KIF13B: variants seen among roughly 807,000 people sequenced by gnomAD.
KIF13B encodes kinesin family member 13B.
In KIF13B, 127 loss-of-function variants were observed where a neutral mutation model predicts 222.0. The ratio of observed to expected loss-of-function variants is 0.57; its 90% CI spans 0.50 to 0.66. The LOEUF is 0.66. Ranked by LOEUF, KIF13B falls within the 30% of genes least tolerant of loss-of-function variation. KIF13B has a pLI of 0.00. For synonymous variants in KIF13B, 976 were observed against 919.0 expected, an observed-to-expected ratio of 1.06 and a Z score of -1.12; for missense variants, 2,173 against 2,379.0, an observed-to-expected ratio of 0.91 and a Z score of 1.80.
chr8:29,071,168 G>A lies in KIF13B; in HGVS notation c.5219-402C>T, dbSNP rs1807254720. Among the ~76,000 whole-genome samples the A allele has an allele frequency of 6.6e-6, 1 of 152,188 alleles. No individual in the cohort carries two copies. Among genetic ancestry groups the A allele is most frequent in the Non-Finnish European group, 1.5e-5 (1 of 68,022 alleles). On this transcript the variant is annotated intron_variant, in intron 39 of 39. Transcript: ENST00000524189. This position sits in a 1 kb window ranked among gnomAD's most constrained non-coding sequence, Gnocchi z 4.9. The stretch of plus-strand genomic sequence containing the variant: ...GGCCTGGGCTGGGTGGCGGGAGAAT[G>A]GTTCTTTTGCTGAATCTATGAAATG...
intron 35 of KIF13B, among the ~76,000 whole-genome samples, chr8:29,107,718 G>C (rs559709510): frequency 6.6e-6 from 1 of 151,742 alleles, no homozygotes; most frequent in African/African-American, 2.4e-5. Flanking sequence ...CCGCCACCTC[G>C]CCTGACTAGT....
intron 13 of KIF13B, among the ~76,000 whole-genome samples, chr8:29,160,087 G>A (rs1415217034): frequency 1.3e-5 from 2 of 152,288 alleles, no homozygotes; most frequent in Non-Finnish European, 2.9e-5. Context: ...GGCACTCCTC[G>A]AATCTGTGTG....
In KIF13B at chr8:29,146,586, C is replaced by G. The variant is rs781667564; in HGVS notation, c.2025-46G>C. The G allele has an allele frequency of 8.4e-6, 13 of 1,545,940 alleles. No homozygotes were observed. The Admixed American group carries it at 9.1e-5, about 11-fold the overall frequency. ...GGCAGAGGTAGGGAAGAGATTAACA[C>G]AAAGCAGCTAGTCAGAAAATCATAC... On this transcript the variant is annotated intron_variant, in intron 17 of 39. Coordinates refer to ENST00000524189, the MANE Select transcript of KIF13B (RefSeq NM_015254.4).
At chr8:29,256,406 G>T (rs1816480462) in intron 1 of KIF13B, among the ~76,000 whole-genome samples, 1 of 152,196 alleles carries the variant, frequency 6.6e-6, no homozygotes, top group African/African-American at 2.4e-5. Flanking sequence ...GAGCCAAGGG[G>T]CCTGCTTGTG....
chr8:29,116,733 G>A (rs1373231955), intron 31 of KIF13B, 98 bp downstream of exon 31: 8 of 1,137,496 alleles, frequency 7.0e-6, no homozygotes, highest in Admixed American at 4.9e-5. Context: ...CAGTGCTTCC[G>A]GGAGCCTGTT....
chr8:29,109,847 T>TAA lies in KIF13B; in HGVS notation c.4083+70_4083+71insTT. 6 of 1,441,836 alleles carry TAA rather than the reference T, an allele frequency of 4.2e-6. No homozygotes were observed. The South Asian group carries it at 7.4e-5, about 18-fold the overall frequency. The allele number at this position is 1,441,836 out of a possible 1,614,324, so 89.3% of individuals were successfully genotyped here. Reference sequence around the variant, plus strand: ...TGTTAGGTGCAACAACACTGTGAATTACAGAGTCAAACACAGACTCAGCCT... The same window carrying TAA: ...TGTTAGGTGCAACAACACTGTGAATTAAACAGAGTCAAACACAGACTCAGCCT... On this transcript the variant is annotated intron_variant, in intron 33 of 39. Coordinates refer to ENST00000524189, the MANE Select transcript of KIF13B (RefSeq NM_015254.4).
At chr8:29,140,391 G>C in intron 20 of KIF13B, 77 bp downstream of exon 20, 2 of 1,489,168 alleles carry the variant, frequency 1.3e-6, no homozygotes, top group Admixed American at 2.0e-5. Flanking sequence ...ACAAAAAATA[G>C]CAACAATATC....
At chr8:29,208,920 T>TG (rs1178435290) in intron 2 of KIF13B, among the ~76,000 whole-genome samples, 1 of 152,204 alleles carries the variant, frequency 6.6e-6, no homozygotes, top group Non-Finnish European at 1.5e-5. Flanking sequence ...CACGTGCCCC[T>TG]GCCTGCCTCT....
intron 2 of KIF13B, among the ~76,000 whole-genome samples, chr8:29,230,771 T>C (rs1272981487): frequency 1.3e-5 from 2 of 152,192 alleles, no homozygotes; most frequent in Non-Finnish European, 2.9e-5. Flanking sequence ...AGGGGTCTGA[T>C]ATGGGGCAGA....
intron 37 of KIF13B, among the ~76,000 whole-genome samples, chr8:29,083,199 T>A (rs781307755): frequency 3.3e-5 from 5 of 152,206 alleles, no homozygotes; most frequent in Non-Finnish European, 7.3e-5. Context: ...GCTTTTACAT[T>A]CTTAATGACT....
chr8:29,088,200 A>G (rs1262380565), intron 37 of KIF13B, among the ~76,000 whole-genome samples: 1 of 152,056 alleles, frequency 6.6e-6, no homozygotes, highest in Non-Finnish European at 1.5e-5. Context: ...TGAGAAGCAG[A>G]GGTTGCAGTG....
chr8:29,213,423 C>G (rs1384414955), intron 2 of KIF13B, among the ~76,000 whole-genome samples: 1 of 152,154 alleles, frequency 6.6e-6, no homozygotes, highest in African/African-American at 2.4e-5. Context: ...ATAACTTGCC[C>G]AAGGTCCACA....
intron 13 of KIF13B, among the ~76,000 whole-genome samples, chr8:29,156,304 A>T: frequency 6.6e-6 from 1 of 152,184 alleles, no homozygotes; most frequent in Non-Finnish European, 1.5e-5. Context: ...GAAGCCAGGC[A>T]TGGTTGAAAC....
chr8:29,196,256 A>G (rs1813417012), intron 2 of KIF13B, 57 bp from the exon 3 acceptor site: 2 of 1,492,028 alleles, frequency 1.3e-6, no homozygotes, highest in Non-Finnish European at 1.8e-6. Flanking sequence ...AAAAAAAAAA[A>G]AAAATTTAGT....
At chr8:29,236,669 A>G (rs1815523008) in intron 2 of KIF13B, among the ~76,000 whole-genome samples, 1 of 152,198 alleles carries the variant, frequency 6.6e-6, no homozygotes, top group Non-Finnish European at 1.5e-5. Flanking sequence ...GTATATATAA[A>G]TTACGTTTGA....
intron 37 of KIF13B, among the ~76,000 whole-genome samples, chr8:29,076,052 A>G (rs1290783496): frequency 1.3e-5 from 2 of 152,216 alleles, no homozygotes. Context: ...TTGTGGACAC[A>G]TGGGCCAGGG....
chr8:29,159,332 T>C (rs1387067328), intron 13 of KIF13B, among the ~76,000 whole-genome samples: 1 of 152,146 alleles, frequency 6.6e-6, no homozygotes, highest in Non-Finnish European at 1.5e-5. Context: ...ATATTTTTAG[T>C]AGAGACGGAG....
chr8:29,146,134 T>C, intron 18 of KIF13B: 1 of 589,898 alleles, frequency 1.7e-6, no homozygotes, highest in Non-Finnish European at 3.0e-6. Context: ...AGGAAGAAAG[T>C]TGAGTGAAAT....
chr8:29,193,027 ACCGAGAGGACGACTGGCTCAG>A (rs1813257221), intron 3 of KIF13B, among the ~76,000 whole-genome samples: 1 of 152,162 alleles, frequency 6.6e-6, no homozygotes, highest in South Asian at 2.1e-4. Context: ...CCTGGCAGCA[ACCGAGAGGACGACTGGCTCAG>A]CACCTCTGGA....
Sources: allele counts gnomAD v4.1 joint callset (sites outside exome capture counted in the v4.1 genomes callset), GRCh38; gene constraint gnomAD v4.1.1; non-coding constraint Gnocchi (gnomAD v3.1); transcripts MANE v1.5; gene names NCBI Gene and HGNC (gene_info 2026-07-23, HGNC 2026-07-21).